UMAD1: variants seen among roughly 807,000 people sequenced by gnomAD.
UMAD1 encodes the protein UBAP1-MVB12-associated (UMA) domain containing 1.
Under a neutral mutation model 6.1 loss-of-function variants are expected in UMAD1, and 8 were observed. That is an observed-to-expected ratio of 1.30 (90% CI 0.76 to 2.35). The LOEUF (loss-of-function observed/expected upper bound fraction) is 2.35. Ranked by LOEUF, UMAD1 falls within the 30% of genes most tolerant of loss-of-function variation. The probability of loss-of-function intolerance (pLI) is 0.00; values close to 1 mark genes in which losing one functional copy is unlikely to be tolerated. For missense variants in UMAD1, 130 were observed against 78.4 expected, an observed-to-expected ratio of 1.66 and a Z score of -2.49; for synonymous variants, 56 against 31.4, an observed-to-expected ratio of 1.78 and a Z score of -2.61.
At chr7:7,855,609 C>T (rs73345735) in intron 3 of UMAD1, among the ~76,000 whole-genome samples, 33 of 152,316 alleles carry the variant, frequency 2.2e-4, no homozygotes, top group African/African-American at 7.0e-4. Flanking sequence ...CCCAGGAAAC[C>T]GTCTTTTCCT....
At chr7:7,783,156 T>C (rs10275971) in intron 2 of UMAD1, among the ~76,000 whole-genome samples, 97,371 of 151,980 alleles carry the variant, frequency 0.64, 33,687 homozygotes, top group Admixed American at 0.76. Context: ...GGGTCTCATT[T>C]AATCCTTGTA....
At chr7:7,642,383 G>A (rs1387066814) in intron 1 of UMAD1, among the ~76,000 whole-genome samples, 1 of 151,704 alleles carries the variant, frequency 6.6e-6, no homozygotes, top group Non-Finnish European at 1.5e-5. Context: ...CAAACTCCTG[G>A]GCTCAGGCGA....
intron 2 of UMAD1, among the ~76,000 whole-genome samples, chr7:7,691,403 T>C (rs886590989): frequency 4.6e-5 from 7 of 152,236 alleles, no homozygotes; most frequent in African/African-American, 1.7e-4. Flanking sequence ...AACTTAGAAT[T>C]ACTAAATACA....
chr7:7,776,554 T>C (rs1157530124), intron 2 of UMAD1, among the ~76,000 whole-genome samples: 1 of 152,198 alleles, frequency 6.6e-6, no homozygotes, highest in East Asian at 1.9e-4. Context: ...AGAATCTGTA[T>C]CACAAAAAGT....
intron 3 of UMAD1, among the ~76,000 whole-genome samples, chr7:7,857,436 G>A (rs1784038752): frequency 6.6e-6 from 1 of 152,140 alleles, no homozygotes; most frequent in African/African-American, 2.4e-5. Context: ...CAACCATCTG[G>A]CACTTTCTTG....
At chr7:7,715,715 C>A (rs1328478305) in intron 2 of UMAD1, among the ~76,000 whole-genome samples, 1 of 152,060 alleles carries the variant, frequency 6.6e-6, no homozygotes, top group African/African-American at 2.4e-5. Context: ...ATGTAATATC[C>A]TTCCTGTAAT....
At chr7:7,866,318 G>A (rs1784224304) in intron 3 of UMAD1, among the ~76,000 whole-genome samples, 1 of 152,206 alleles carries the variant, frequency 6.6e-6, no homozygotes, top group Non-Finnish European at 1.5e-5. Context: ...CAGCCCGTAG[G>A]TTTGTGGGGG....
At chr7:7,691,885 G>A (rs766435195) in intron 2 of UMAD1, among the ~76,000 whole-genome samples, 1 of 152,198 alleles carries the variant, frequency 6.6e-6, no homozygotes, top group Non-Finnish European at 1.5e-5. Flanking sequence ...TATCTGGCTA[G>A]TAGCTCAGTT....
At chr7:7,736,256 C>G (rs982209574) in intron 2 of UMAD1, 1 of 152,302 alleles carries the variant, frequency 6.6e-6, no homozygotes, top group South Asian at 2.1e-4. Context: ...GCTGGTCAGG[C>G]CTTCTTCCTG....
At chr7:7,820,918 G>A (rs565283511) in intron 3 of UMAD1, among the ~76,000 whole-genome samples, 1 of 152,278 alleles carries the variant, frequency 6.6e-6, no homozygotes, top group African/African-American at 2.4e-5. Context: ...GATCCTCAGA[G>A]AAAAACTGAA....
chr7:7,772,852 A>T (rs1782127246), intron 2 of UMAD1, among the ~76,000 whole-genome samples: 1 of 152,238 alleles, frequency 6.6e-6, no homozygotes, highest in Non-Finnish European at 1.5e-5. Flanking sequence ...TAGTGTAATT[A>T]AGAAAAACTG....
chr7:7,869,338 A>T (rs1473677532), intron 3 of UMAD1, among the ~76,000 whole-genome samples: 1 of 152,202 alleles, frequency 6.6e-6, no homozygotes, highest in Non-Finnish European at 1.5e-5. Context: ...TCAAAGAAGC[A>T]CGTCTTTTAT....
intron 2 of UMAD1, among the ~76,000 whole-genome samples, chr7:7,723,369 G>A (rs1217464876): frequency 1.3e-5 from 2 of 152,176 alleles, no homozygotes; most frequent in Admixed American, 1.3e-4. Context: ...ACAGCTCAGG[G>A]AGTTAAAAAA....
At chr7:7,836,921 T>C (rs540055788) in intron 3 of UMAD1, among the ~76,000 whole-genome samples, 5 of 150,556 alleles carry the variant, frequency 3.3e-5, no homozygotes, top group Middle Eastern at 3.4e-3. Context: ...GGACAATATA[T>C]GAAAATTAGG....
chr7:7,867,337 GC>G (rs1784251964), intron 3 of UMAD1, among the ~76,000 whole-genome samples: 2 of 152,182 alleles, frequency 1.3e-5, no homozygotes, highest in South Asian at 4.1e-4. Flanking sequence ...GAAGAGTGGA[GC>G]AGTAGGCATG....
At chr7:7,874,433 A>G (rs533186596) in intron 3 of UMAD1, among the ~76,000 whole-genome samples, 1 of 152,340 alleles carries the variant, frequency 6.6e-6, no homozygotes, top group East Asian at 1.9e-4. Context: ...TTCATCTAAC[A>G]TGCAACAATT....
At chr7:7,800,384 CTT>C (rs1284201822) in intron 2 of UMAD1, among the ~76,000 whole-genome samples, 1 of 152,128 alleles carries the variant, frequency 6.6e-6, no homozygotes, top group Non-Finnish European at 1.5e-5. Context: ...CAATTTAGTT[CTT>C]GTTTCATGAT....
intron 3 of UMAD1, among the ~76,000 whole-genome samples, chr7:7,866,346 C>A (rs914967578): frequency 2.6e-5 from 4 of 152,014 alleles, no homozygotes; most frequent in Admixed American, 1.3e-4. Flanking sequence ...GAATTCTAGT[C>A]GAGTGTGATG....
In UMAD1 at chr7:7,772,045, TA is replaced by T. The variant is rs201021905; in HGVS notation, c.83-29616del. ...TGAAATTGACAAGTGTGTGTTTGAT[TA>T]AAAAAAAATACTTTGGAGACCTCAA... On this transcript the variant is annotated intron_variant, in intron 2 of 3. Coordinates refer to ENST00000682710, the MANE Select transcript of UMAD1 (RefSeq NM_001302348.2). Among the ~76,000 whole-genome samples the T allele has an allele frequency of 1.3e-3, 200 of 151,126 alleles. No homozygotes were observed. In the South Asian group the frequency reaches 0.017, roughly 13 times the overall value.
Sources: allele counts gnomAD v4.1 joint callset (sites outside exome capture counted in the v4.1 genomes callset), GRCh38; gene constraint gnomAD v4.1.1; transcripts MANE v1.5; gene names NCBI Gene and HGNC (gene_info 2026-07-23, HGNC 2026-07-21).